SYT17: variants seen among roughly 807,000 people sequenced by gnomAD.
The protein encoded by SYT17 is synaptotagmin-17.
A neutral mutation model predicts 46.7 loss-of-function variants in SYT17; 22 were observed. That is an observed-to-expected ratio of 0.47 (90% CI 0.34 to 0.67). SYT17 has a LOEUF of 0.67. Among genes scored for constraint, SYT17 ranks in the 30% least tolerant of loss-of-function variants. SYT17 has a pLI of 0.01. For synonymous variants in SYT17, 251 were observed against 248.4 expected (o/e 1.01, Z -0.10); for missense variants, 519 against 612.8 (o/e 0.85, Z 1.62).
intron 5 of SYT17, among the ~76,000 whole-genome samples, chr16:19,214,423 C>A (rs750877872): frequency 3.6e-4 from 55 of 152,160 alleles, no homozygotes; most frequent in Middle Eastern, 3.4e-3. Flanking sequence ...CAGCTCCGAA[C>A]TCCTGGGCTC....
intron 5 of SYT17, among the ~76,000 whole-genome samples, chr16:19,191,818 CTT>C (rs1278739824): frequency 6.6e-6 from 1 of 152,096 alleles, no homozygotes; most frequent in African/African-American, 2.4e-5. Flanking sequence ...CTGTGTCTCA[CTT>C]TGTCGCCAGA....
At chr16:19,249,274 A>AT (rs1474421144) in intron 7 of SYT17, among the ~76,000 whole-genome samples, 2 of 143,880 alleles carry the variant, frequency 1.4e-5, no homozygotes, top group East Asian at 2.0e-4. Flanking sequence ...ACGCCGTCTC[A>AT]AAAATAAATA....
chr16:19,247,975 T>C (rs1007018631), intron 7 of SYT17, among the ~76,000 whole-genome samples: 16 of 151,954 alleles, frequency 1.1e-4, no homozygotes, highest in African/African-American at 3.9e-4. Flanking sequence ...AAAACATATA[T>C]CCAACAAAGA....
Position 19,183,717 on chromosome 16 carries a change from T to C in SYT17, c.521T>C (p.Leu174Pro), listed in dbSNP as rs763629589. 6.2e-7 allele frequency: 1 copy of C among 1,614,236 alleles called. No homozygotes were observed. Among genetic ancestry groups the C allele is most frequent in the South Asian group, 1.1e-5 (1 of 91,086 alleles). Residue 174 changes from leucine to proline, a missense_variant, in exon 5 of 8, where the codon CTG (leucine) becomes CCG (proline). Transcript: ENST00000355377. This position sits in a 1 kb window ranked among gnomAD's most constrained non-coding sequence, Gnocchi z 5.6. ...LDSNSDDVDS[L>P]TDEEILSKYQ... Reference sequence around the variant, plus strand: ...TCCAACAGCGACGATGTGGACTCTCTGACAGACGAGGAGATCCTGTCCAAG... The same window carrying C: ...TCCAACAGCGACGATGTGGACTCTCCGACAGACGAGGAGATCCTGTCCAAG...
At chr16:19,232,845 AACAAAC>A (rs1321720267) in intron 7 of SYT17, among the ~76,000 whole-genome samples, 3 of 104,148 alleles carry the variant, frequency 2.9e-5, no homozygotes, top group Non-Finnish European at 7.9e-5. Flanking sequence ...AACATAAACA[AACAAAC>A]AAACAAACAA....
intron 3 of SYT17, among the ~76,000 whole-genome samples, chr16:19,175,445 G>C (rs1964275684): frequency 6.6e-6 from 1 of 151,966 alleles, no homozygotes; most frequent in South Asian, 2.1e-4. Flanking sequence ...CTTGAGGTCA[G>C]GAGTTTAAGA....
chr16:19,177,899 C>G (rs1964377593), intron 3 of SYT17, among the ~76,000 whole-genome samples: 1 of 152,196 alleles, frequency 6.6e-6, no homozygotes, highest in African/African-American at 2.4e-5. Flanking sequence ...TCTTACAGCC[C>G]TCTCAGAGAT....
chr16:19,235,249 C>A (rs1228743116), intron 7 of SYT17, among the ~76,000 whole-genome samples: 3 of 152,058 alleles, frequency 2.0e-5, no homozygotes, highest in Non-Finnish European at 4.4e-5. Flanking sequence ...CCAAGCTACA[C>A]AAGTGGATAT....
At chr16:19,228,820 C>T (rs191787849) in intron 7 of SYT17, among the ~76,000 whole-genome samples, 1 of 152,250 alleles carries the variant, frequency 6.6e-6, no homozygotes, top group Non-Finnish European at 1.5e-5. Flanking sequence ...CACCTCTAGG[C>T]CGAGGAACCA....
intron 5 of SYT17, among the ~76,000 whole-genome samples, chr16:19,193,247 G>A (rs1965099355): frequency 6.6e-6 from 1 of 152,222 alleles, no homozygotes; most frequent in African/African-American, 2.4e-5. Flanking sequence ...TTCTGGGAAG[G>A]AGTAGATTCA....
At chr16:19,228,229 C>T (rs1203894379) in intron 7 of SYT17, among the ~76,000 whole-genome samples, 2 of 152,150 alleles carry the variant, frequency 1.3e-5, no homozygotes, top group East Asian at 1.9e-4. Flanking sequence ...CCTCTCCATA[C>T]ATCTTTTATT....
intron 2 of SYT17, 78 bp downstream of exon 2, chr16:19,172,855 G>A: frequency 6.5e-7 from 1 of 1,531,372 alleles, no homozygotes; most frequent in Non-Finnish European, 9.0e-7. Context: ...TCTTATGTGG[G>A]GCTGTGGGGA....
At chr16:19,214,153 A>G (rs1016437340) in intron 5 of SYT17, among the ~76,000 whole-genome samples, 1 of 152,132 alleles carries the variant, frequency 6.6e-6, no homozygotes, top group Non-Finnish European at 1.5e-5. Context: ...AGCAGAGAGG[A>G]CAAAATTACC....
At chr16:19,178,711 G>A (rs1359923327) in intron 3 of SYT17, among the ~76,000 whole-genome samples, 1 of 152,142 alleles carries the variant, frequency 6.6e-6, no homozygotes, top group Admixed American at 6.5e-5. Context: ...AGGCTTTAAT[G>A]TCAAGTTGGG....
chr16:19,191,435 C>G (rs775946289), intron 5 of SYT17, among the ~76,000 whole-genome samples: 31 of 152,146 alleles, frequency 2.0e-4, no homozygotes, highest in Non-Finnish European at 4.1e-4. Flanking sequence ...CAAAAGGTCC[C>G]ATCTATGAGG....
intron 7 of SYT17, among the ~76,000 whole-genome samples, chr16:19,248,275 A>C (rs1967733779): frequency 6.6e-6 from 1 of 152,206 alleles, no homozygotes; most frequent in African/African-American, 2.4e-5. Flanking sequence ...TCTGGTGGGA[A>C]TGCAAGATGC....
intron 6 of SYT17, among the ~76,000 whole-genome samples, chr16:19,223,900 T>C (rs1169124193): frequency 6.6e-6 from 1 of 152,216 alleles, no homozygotes; most frequent in African/African-American, 2.4e-5. Context: ...AGAGTCAGTA[T>C]GATAAAATCA....
rs7187361 is a variant in SYT17, at chr16:19,172,272, T to C, written c.16-488T>C. ...GGTGGTGATAGGAAACACCCCACCATCACCATTGGAGCAGAATTGGAAGGT... is the reference window on the plus strand; with the variant it reads ...GGTGGTGATAGGAAACACCCCACCACCACCATTGGAGCAGAATTGGAAGGT... On this transcript the variant is annotated intron_variant, in intron 1 of 7. Coordinates refer to ENST00000355377, the MANE Select transcript of SYT17 (RefSeq NM_016524.4). The C allele has an allele frequency of 2.2e-3, 2,578 of 1,160,318 alleles. 36 individuals are homozygous for C. The African/African-American group carries it at 0.031, about 14-fold the overall frequency. 71.9% of individuals were successfully genotyped at this position (1,160,318 alleles called of 1,614,324 possible).
intron 5 of SYT17, among the ~76,000 whole-genome samples, chr16:19,219,836 CTG>C (rs1385318495): frequency 6.6e-6 from 1 of 152,140 alleles, no homozygotes; most frequent in Non-Finnish European, 1.5e-5. Context: ...ACATAGTAAA[CTG>C]TTTTTTGTTC....
Sources: allele counts gnomAD v4.1 joint callset (sites outside exome capture counted in the v4.1 genomes callset), GRCh38; gene constraint gnomAD v4.1.1; non-coding constraint Gnocchi (gnomAD v3.1); transcripts MANE v1.5; gene names NCBI Gene and HGNC (gene_info 2026-07-23, HGNC 2026-07-21).